Variants in FBXL18 observed in about 807,000 individuals in gnomAD.
FBXL18 encodes F-box and leucine rich repeat protein 18.
In FBXL18, 36 loss-of-function variants were observed where a neutral mutation model predicts 46.0. That is an observed-to-expected ratio of 0.78 (90% CI 0.60 to 1.03). The LOEUF (loss-of-function observed/expected upper bound fraction) is 1.03. FBXL18 is among the 50% of genes least tolerant of loss of function. The pLI is 0.00. For synonymous variants in FBXL18, 557 were observed against 465.3 expected (o/e 1.20, Z -2.54); for missense variants, 977 against 1,004.1 (o/e 0.97, Z 0.36).
rs1182858527 is a variant in FBXL18, at chr7:5,467,938, G to A, written c.2001-20095C>T. Among the ~76,000 whole-genome samples, 5 of 151,910 alleles carry A rather than the reference G, an allele frequency of 3.3e-5. No individual in the cohort carries two copies. The South Asian group carries it at 6.2e-4, about 19-fold the overall frequency. On this transcript the variant is annotated intron_variant and NMD_transcript_variant, in intron 4 of 6. Coordinates refer to the FBXL18 transcript ENST00000415009. ...ACCCAAGAGGCTGCACTGCGTGTGT[G>A]AGCAGAAAAGCAGGACCCGAAATCC...
intron 1 of FBXL18, among the ~76,000 whole-genome samples, chr7:5,507,717 C>T (rs1011980771): frequency 6.6e-6 from 1 of 151,026 alleles, no homozygotes; most frequent in African/African-American, 2.4e-5. Flanking sequence ...GCTTGTAGTC[C>T]CAGCTACTCA....
At chr7:5,491,684 C>T (rs555107769) in intron 3 of FBXL18, among the ~76,000 whole-genome samples, 1 of 152,290 alleles carries the variant, frequency 6.6e-6, no homozygotes, top group South Asian at 2.1e-4. Context: ...TGCAAGCAGC[C>T]AGCCAGTGTC....
intron 1 of FBXL18, 83 bp downstream of exon 1, chr7:5,513,574 G>A (rs1414492947): frequency 3.9e-6 from 6 of 1,521,350 alleles, no homozygotes; most frequent in African/African-American, 2.7e-5. Context: ...AAGGATGCAA[G>A]GGAACCCGGG....
intron 4 of FBXL18, among the ~76,000 whole-genome samples, chr7:5,486,044 G>A (rs1184778117): frequency 6.9e-6 from 1 of 144,400 alleles, no homozygotes; most frequent in Non-Finnish European, 1.5e-5. Context: ...GGCCAACAGA[G>A]CAAGACTCTG....
chr7:5,466,470 G>C (rs1376903656), intron 4 of FBXL18, among the ~76,000 whole-genome samples: 3 of 152,152 alleles, frequency 2.0e-5, no homozygotes, highest in East Asian at 3.9e-4. Flanking sequence ...CCAGCACACA[G>C]AGTTGCTAGA....
At chr7:5,513,515 G>A in intron 1 of FBXL18, 142 bp downstream of exon 1, 1 of 957,798 alleles carries the variant, frequency 1.0e-6, no homozygotes. Context: ...GCAGGGGCAA[G>A]GCCAGGGTCA....
intron 4 of FBXL18, among the ~76,000 whole-genome samples, chr7:5,468,864 G>T (rs1275850336): frequency 6.6e-6 from 1 of 152,186 alleles, no homozygotes; most frequent in Non-Finnish European, 1.5e-5. Flanking sequence ...GCCTCCCAAA[G>T]TACTGGGATT....
chr7:5,469,963 A>C (rs945024351), intron 4 of FBXL18, among the ~76,000 whole-genome samples: 1 of 151,964 alleles, frequency 6.6e-6, no homozygotes. Context: ...TGAATGTCAG[A>C]GTGTGGGATG....
downstream of FBXL18, among the ~76,000 whole-genome samples, chr7:5,470,810 C>A (rs1188796728): frequency 6.6e-6 from 1 of 152,152 alleles, no homozygotes; most frequent in African/African-American, 2.4e-5. Context: ...CCTTTGCTCT[C>A]CCAGCGCGGC....
chr7:5,492,403 T>G (rs1783951577), intron 3 of FBXL18, among the ~76,000 whole-genome samples: 1 of 149,966 alleles, frequency 6.7e-6, no homozygotes, highest in Admixed American at 6.6e-5. Flanking sequence ...GAGATAAGAA[T>G]CAAGAGGGAG....
chr7:5,503,256 C>T (rs1392873875), intron 2 of FBXL18, among the ~76,000 whole-genome samples: 1 of 152,204 alleles, frequency 6.6e-6, no homozygotes, highest in African/African-American at 2.4e-5. Context: ...TAGTGGCGCA[C>T]ACCTGTGGTC....
Position 5,478,034 on chromosome 7 carries a change from C to T in FBXL18, c.*3741G>A, listed in dbSNP as rs957534145. The T allele has an allele frequency of 4.6e-5, 7 of 152,344 alleles. No homozygotes were observed. Among genetic ancestry groups the T allele is most frequent in the Admixed American group, 2.0e-4 (3 of 15,278 alleles). 9.4% of individuals were successfully genotyped at this position (152,344 alleles called of 1,614,324 possible). ...ACGGCCTGTGGCTCTGGGTCCGGACCCAGGGTGTGGTTGAGGGAGGGCGCT... is the reference window on the plus strand; with the variant it reads ...ACGGCCTGTGGCTCTGGGTCCGGACTCAGGGTGTGGTTGAGGGAGGGCGCT... On this transcript the variant is annotated 3_prime_UTR_variant, in exon 5 of 5. Transcript: ENST00000382368.
intron 4 of FBXL18, among the ~76,000 whole-genome samples, chr7:5,454,718 C>A (rs1052155920): frequency 6.6e-6 from 1 of 152,198 alleles, no homozygotes; most frequent in African/African-American, 2.4e-5. Context: ...GAGGGAGCAA[C>A]AGAGCCTGGG....
intron 4 of FBXL18, 139 bp downstream of exon 4, chr7:5,491,092 T>A: frequency 1.3e-6 from 1 of 771,610 alleles, no homozygotes; most frequent in Non-Finnish European, 2.1e-6. Context: ...CCAAACCCCT[T>A]GCTTTCACCC....
chr7:5,507,073 G>C (rs1784412151), intron 1 of FBXL18, among the ~76,000 whole-genome samples: 2 of 152,138 alleles, frequency 1.3e-5, no homozygotes, highest in Non-Finnish European at 2.9e-5. Flanking sequence ...TAAAGACCAC[G>C]CCGAGGAGAG....
rs755151030 is a variant in FBXL18 at position 5,505,564 on chromosome 7, G to C, written c.85C>G (p.Leu29Val). 6.2e-7 allele frequency: 1 copy of C among 1,613,994 alleles called. No individual in the cohort carries two copies. Among genetic ancestry groups the C allele is most frequent in the Non-Finnish European group, 8.5e-7 (1 of 1,179,952 alleles). ...AGGAGGATCTCATCAGAGAACCCTA[G>C]GAGGTGGACCCCGTCTGCCATCCCG... is the stretch of plus-strand genomic sequence containing the variant. Reference protein sequence around the residue: ...AAGMADGVHLLGFSDEILLHI... With the variant: ...AAGMADGVHLVGFSDEILLHI... Residue 29 changes from leucine (L) to valine (V), a missense_variant, in exon 2 of 5, where the codon CTA becomes GTA. Coordinates refer to ENST00000382368, the MANE Select transcript of FBXL18 (RefSeq NM_024963.6).
intron 3 of FBXL18, among the ~76,000 whole-genome samples, chr7:5,494,187 G>C (rs1236057313): frequency 3.3e-5 from 5 of 151,698 alleles, no homozygotes; most frequent in Admixed American, 1.3e-4. Flanking sequence ...CAGGAAAATC[G>C]TTTCTACCTG....
chr7:5,471,204 G>T (rs1374362138), downstream of FBXL18, among the ~76,000 whole-genome samples: 1 of 152,192 alleles, frequency 6.6e-6, no homozygotes, highest in Non-Finnish European at 1.5e-5. Flanking sequence ...CAGGGCTCCT[G>T]GGGGCAGCCA....
chr7:5,471,185 G>A (rs4724695), downstream of FBXL18, among the ~76,000 whole-genome samples: 93,272 of 151,956 alleles, frequency 0.61, 28,770 homozygotes, highest in East Asian at 0.73. Context: ...CAATAAATCA[G>A]CCGCTGTGCA....
Sources: gnomAD v4.1 joint callset for allele counts (sites outside exome capture counted in the v4.1 genomes callset) on GRCh38, gnomAD v4.1.1 for gene constraint, MANE v1.5 for transcripts, NCBI Gene and HGNC (gene_info 2026-07-23, HGNC 2026-07-21) for gene names.